Variants in MECOM observed in about 807,000 individuals in gnomAD.
MECOM encodes histone-lysine N-methyltransferase MECOM.
A neutral mutation model predicts 116.3 loss-of-function variants in MECOM; 13 were observed. The observed-to-expected ratio is 0.11, with a 90% CI of 0.07 to 0.18. The LOEUF (loss-of-function observed/expected upper bound fraction) is 0.18, where lower values mean the gene tolerates loss of function less well. MECOM is among the 10% of genes least tolerant of loss of function. The probability of loss-of-function intolerance (pLI) is 1.00; values close to 1 mark genes in which losing one functional copy is unlikely to be tolerated. For missense variants in MECOM, 1,299 were observed against 1,509.0 expected (o/e 0.86, Z 2.31); for synonymous variants, 528 against 535.2 (o/e 0.99, Z 0.19).
At chr3:169,526,208 T>C (rs1757951416) in intron 1 of MECOM, among the ~76,000 whole-genome samples, 2 of 152,064 alleles carry the variant, frequency 1.3e-5, no homozygotes, top group Admixed American at 6.6e-5. Context: ...AACCTCAACG[T>C]TGGGCCGTCG....
At chr3:169,578,349 AT>A (rs1019555677) in intron 1 of MECOM, among the ~76,000 whole-genome samples, 5 of 151,690 alleles carry the variant, frequency 3.3e-5, no homozygotes, top group South Asian at 4.2e-4. Context: ...TGGAGCATAA[AT>A]TTTTTTTTAG....
At chr3:169,626,691 G>T (rs761172184) in intron 1 of MECOM, among the ~76,000 whole-genome samples, 1 of 152,074 alleles carries the variant, frequency 6.6e-6, no homozygotes, top group Non-Finnish European at 1.5e-5. Flanking sequence ...AAACACACCT[G>T]GTTTCTAGGA....
At chr3:169,135,647 A>G (rs1736134070) in intron 3 of MECOM, among the ~76,000 whole-genome samples, 1 of 152,030 alleles carries the variant, frequency 6.6e-6, no homozygotes, top group African/African-American at 2.4e-5. Flanking sequence ...ACTCCCATAC[A>G]TCTGAAACTT....
chr3:169,149,403 T>A, intron 2 of MECOM: 1 of 163,752 alleles, frequency 6.1e-6, no homozygotes, highest in Non-Finnish European at 1.3e-5. Context: ...GGCCTCCGAG[T>A]TTTTTCCCCT....
chr3:169,401,770 AAG>A (rs1426613596), intron 1 of MECOM, among the ~76,000 whole-genome samples: 2 of 152,216 alleles, frequency 1.3e-5, no homozygotes, highest in Non-Finnish European at 2.9e-5. Context: ...AAAAGTATGA[AAG>A]AGCTTAGCAT....
chr3:169,361,988 G>A (rs1185743033), intron 2 of MECOM, among the ~76,000 whole-genome samples: 2 of 151,890 alleles, frequency 1.3e-5, no homozygotes, highest in African/African-American at 4.8e-5. Flanking sequence ...AAAATGCAGA[G>A]AGAGATGCAC....
chr3:169,151,135 A>G (rs1436765488), intron 2 of MECOM, among the ~76,000 whole-genome samples: 1 of 152,216 alleles, frequency 6.6e-6, no homozygotes, highest in African/African-American at 2.4e-5. Flanking sequence ...CCCAGAAGTA[A>G]AAGTTCTGCT....
intron 2 of MECOM, among the ~76,000 whole-genome samples, chr3:169,354,708 A>T (rs144211051): frequency 6.6e-6 from 1 of 152,072 alleles, no homozygotes; most frequent in Non-Finnish European, 1.5e-5. Flanking sequence ...CTAGAACCTC[A>T]GGATGCCGAA....
At chr3:169,350,553 A>AT (rs1726144234) in intron 2 of MECOM, among the ~76,000 whole-genome samples, 1 of 152,030 alleles carries the variant, frequency 6.6e-6, no homozygotes, top group Admixed American at 6.6e-5. Flanking sequence ...ATGAGGTGTT[A>AT]TAAGTGTGAA....
chr3:169,255,050 T>C (rs1216217950), intron 2 of MECOM, among the ~76,000 whole-genome samples: 1 of 152,170 alleles, frequency 6.6e-6, no homozygotes, highest in Non-Finnish European at 1.5e-5. Context: ...CACTGAAACC[T>C]GTTTGACATT....
intron 2 of MECOM, among the ~76,000 whole-genome samples, chr3:169,171,347 T>G (rs1744373852): frequency 6.6e-6 from 1 of 152,210 alleles, no homozygotes; most frequent in Non-Finnish European, 1.5e-5. Context: ...TTTCATCCAC[T>G]CTGGACTCTC....
At chr3:169,626,532 G>A (rs1002587525) in intron 1 of MECOM, among the ~76,000 whole-genome samples, 2 of 152,162 alleles carry the variant, frequency 1.3e-5, no homozygotes, top group Non-Finnish European at 2.9e-5. Flanking sequence ...GATCTCATTA[G>A]AACACTGAGA....
At chr3:169,365,254 C>T (rs1215310902) in intron 2 of MECOM, among the ~76,000 whole-genome samples, 7 of 151,994 alleles carry the variant, frequency 4.6e-5, no homozygotes, top group Admixed American at 3.9e-4. Context: ...TAGCTAAAGA[C>T]GGATATGAAA....
chr3:169,288,209 G>A (rs1342378276), intron 2 of MECOM, among the ~76,000 whole-genome samples: 1 of 148,390 alleles, frequency 6.7e-6, no homozygotes, highest in Non-Finnish European at 1.5e-5. Context: ...GGGAGAAAGA[G>A]GAAAGAGGCA....
intron 1 of MECOM, among the ~76,000 whole-genome samples, chr3:169,382,849 C>CAAAAA (rs1157852145): frequency 6.6e-4 from 31 of 47,118 alleles, no homozygotes; most frequent in African/African-American, 2.7e-3. Context: ...AAGCCCATCT[C>CAAAAA]AAAAAAAAAA....
intron 1 of MECOM, among the ~76,000 whole-genome samples, chr3:169,569,851 G>C (rs1194423871): frequency 1.3e-5 from 2 of 152,174 alleles, no homozygotes; most frequent in Non-Finnish European, 2.9e-5. Flanking sequence ...GCAGTGTTTA[G>C]AGAGAAATTT....
intron 2 of MECOM, among the ~76,000 whole-genome samples, chr3:169,218,374 T>A (rs1377859842): frequency 6.6e-6 from 1 of 152,214 alleles, no homozygotes; most frequent in Non-Finnish European, 1.5e-5. Flanking sequence ...TCAAATCAGA[T>A]GTATGCACTT....
At chr3:169,351,781 A>T (rs1235263235) in intron 2 of MECOM, among the ~76,000 whole-genome samples, 2 of 151,874 alleles carry the variant, frequency 1.3e-5, no homozygotes, top group African/African-American at 4.8e-5. Flanking sequence ...TAATAAGGTC[A>T]CTGACCTTTC....
chr3:169,253,651 T>C (rs1756513355), intron 2 of MECOM, among the ~76,000 whole-genome samples: 2 of 152,162 alleles, frequency 1.3e-5, no homozygotes, highest in Admixed American at 1.3e-4. Context: ...ATACTTCATA[T>C]GATTTTTTGA....
Sources: gnomAD v4.1 joint callset for allele counts (sites outside exome capture counted in the v4.1 genomes callset) on GRCh38, gnomAD v4.1.1 for gene constraint, MANE v1.5 for transcripts, NCBI Gene and HGNC (gene_info 2026-07-23, HGNC 2026-07-21) for gene names.